Variants in CFAP95 observed in about 807,000 individuals in gnomAD.
The protein encoded by CFAP95 is cilia and flagella associated protein 95.
At chr9:69,892,649 C>T in the CFAP95 span, among the ~76,000 whole-genome samples, 66 of 152,284 alleles carry the variant, frequency 4.3e-4, 1 homozygote, top group Non-Finnish European at 8.1e-4. Context: ...CCTGCCTGAA[C>T]GTTGCCTTTT....
chr9:69,886,516 G>A, the CFAP95 span, among the ~76,000 whole-genome samples: 1 of 152,188 alleles, frequency 6.6e-6, no homozygotes, highest in Non-Finnish European at 1.5e-5. Context: ...CACTATATTT[G>A]TGGGTAGAAA....
At chr9:69,851,158 A>G in the CFAP95 span, among the ~76,000 whole-genome samples, 1 of 152,168 alleles carries the variant, frequency 6.6e-6, no homozygotes, top group Non-Finnish European at 1.5e-5. Flanking sequence ...TGTAACTGTT[A>G]TGTTGAACAA....
the CFAP95 span, among the ~76,000 whole-genome samples, chr9:69,854,862 T>C: frequency 6.6e-6 from 1 of 152,190 alleles, no homozygotes; most frequent in Admixed American, 6.6e-5. Flanking sequence ...ACTACAGCTG[T>C]AGGTTGTTCT....
At chr9:69,876,025 T>TA in the CFAP95 span, among the ~76,000 whole-genome samples, 1 of 152,176 alleles carries the variant, frequency 6.6e-6, no homozygotes. Context: ...TAACATTTTT[T>TA]AAAAAAGAGT....
chr9:69,877,538 T>C, the CFAP95 span, among the ~76,000 whole-genome samples: 3 of 152,240 alleles, frequency 2.0e-5, no homozygotes, highest in East Asian at 5.8e-4. Flanking sequence ...AGGAAACAGA[T>C]ATTTTGTTGC....
chr9:69,874,639 C>T, the CFAP95 span, among the ~76,000 whole-genome samples: 1 of 152,172 alleles, frequency 6.6e-6, no homozygotes, highest in Non-Finnish European at 1.5e-5. Context: ...TTATTCCCTC[C>T]CGCTGAGGAC....
At chr9:69,832,080 A>G in the CFAP95 span, among the ~76,000 whole-genome samples, 1 of 152,190 alleles carries the variant, frequency 6.6e-6, no homozygotes, top group Admixed American at 6.5e-5. Flanking sequence ...CAACTCTCCT[A>G]ATAGATCCAG....
chr9:69,895,353 C>T, the CFAP95 span, among the ~76,000 whole-genome samples: 16 of 122,388 alleles, frequency 1.3e-4, no homozygotes, highest in African/African-American at 4.8e-4. Context: ...CTCTCTCTCT[C>T]TCTCTCTCTC....
chr9:69,839,727 A>C, the CFAP95 span, among the ~76,000 whole-genome samples: 1 of 151,276 alleles, frequency 6.6e-6, no homozygotes. Flanking sequence ...TGTCTGGACA[A>C]ATTTTGGTTT....
the CFAP95 span, chr9:69,902,286 A>G: frequency 2.2e-6 from 1 of 448,424 alleles, no homozygotes; most frequent in Non-Finnish European, 4.5e-6. Context: ...CTTCATTTCA[A>G]CTCTTCTCTA....
At chr9:69,858,257 T>C in the CFAP95 span, 1 of 429,460 alleles carries the variant, frequency 2.3e-6, no homozygotes, top group Non-Finnish European at 4.3e-6. Flanking sequence ...TCAATACTCG[T>C]GGTTCTGTCA....
chr9:69,837,866 T>C, the CFAP95 span, among the ~76,000 whole-genome samples: 2 of 152,338 alleles, frequency 1.3e-5, no homozygotes, highest in Admixed American at 1.3e-4. Context: ...TGGTTTTAGG[T>C]CTAACGTTTA....
chr9:69,860,891 G>T, the CFAP95 span, among the ~76,000 whole-genome samples: 1 of 152,112 alleles, frequency 6.6e-6, no homozygotes, highest in Non-Finnish European at 1.5e-5. Context: ...GCATGGAGTT[G>T]TCATCTCCTG....
At chr9:69,852,044 T>C in the CFAP95 span, among the ~76,000 whole-genome samples, 2 of 152,158 alleles carry the variant, frequency 1.3e-5, no homozygotes, top group African/African-American at 4.8e-5. Context: ...TTTAGAATCT[T>C]TACATGGCAC....
chr9:69,898,333 C>T, the CFAP95 span, among the ~76,000 whole-genome samples: 6 of 152,184 alleles, frequency 3.9e-5, no homozygotes, highest in Admixed American at 2.0e-4. Context: ...CAATCATGGG[C>T]TTCCCCAACA....
the CFAP95 span, among the ~76,000 whole-genome samples, chr9:69,872,517 C>A: frequency 6.6e-6 from 1 of 152,158 alleles, no homozygotes; most frequent in Non-Finnish European, 1.5e-5. Flanking sequence ...AAACTGGAAG[C>A]TTTGGGTCAC....
At chr9:69,836,314 C>T in the CFAP95 span, among the ~76,000 whole-genome samples, 13 of 152,078 alleles carry the variant, frequency 8.5e-5, no homozygotes, top group African/African-American at 3.1e-4. Context: ...GTACTATGGA[C>T]ATTTTGGGCA....
chr9:69,839,845 G>A, the CFAP95 span, among the ~76,000 whole-genome samples: 6 of 151,588 alleles, frequency 4.0e-5, no homozygotes, highest in African/African-American at 1.2e-4. Flanking sequence ...GGAGGTCTAG[G>A]TGGGTGGATC....
At chr9:69,887,674 C>A in the CFAP95 span, among the ~76,000 whole-genome samples, 7 of 152,334 alleles carry the variant, frequency 4.6e-5, no homozygotes, top group Non-Finnish European at 1.0e-4. Flanking sequence ...AGATGGCAGA[C>A]CTTCCTGTTG....
Sources: allele counts gnomAD v4.1 joint callset (sites outside exome capture counted in the v4.1 genomes callset), GRCh38; gene constraint gnomAD v4.1.1; transcripts MANE v1.5; gene names NCBI Gene and HGNC (gene_info 2026-07-23, HGNC 2026-07-21).